The following RET variants were observed in gnomAD, a reference collection of about 807,000 sequenced individuals.
The protein encoded by RET is ret proto-oncogene, also known as proto-oncogene tyrosine-protein kinase receptor Ret.
In RET, 19 loss-of-function variants were observed where a neutral mutation model predicts 118.3. That is an observed-to-expected ratio of 0.16 (90% confidence interval 0.11 to 0.24). RET has a LOEUF of 0.24. RET is among the 10% of genes least tolerant of loss of function. The pLI is 1.00. For missense variants in RET, 1,219 were observed against 1,502.1 expected (o/e 0.81, Z 3.12); for synonymous variants, 597 against 644.1 (o/e 0.93, Z 1.11).
chr10:43,129,860 G>A lies in RET; in HGVS notation c.*1591G>A, dbSNP rs76759170. The A allele has an allele frequency of 0.042, 16,798 of 396,966 alleles. 459 individuals are homozygous for A. The highest frequency in any genetic ancestry group is 0.088 in the South Asian group (666 of 7,548). 24.6% of individuals were successfully genotyped at this position (396,966 alleles called of 1,614,324 possible). On this transcript the variant is annotated 3_prime_UTR_variant, in exon 20 of 20. Transcript: ENST00000355710. ...TGGCTCTAATTTGGGCTGTTTTTCA[G>A]ATACACTGTGATAAGTTCTTTTACA...
At position 43,129,592 on chromosome 10, in the gene RET, C is replaced by G. The variant is rs1838405022; in HGVS notation, c.*1323C>G. ...GCAGCTCTTCTGGCTGTGTTGTCAGCACTGTAACTTCGCAGAAAAGAGTCG... is the reference window on the plus strand; with the variant it reads ...GCAGCTCTTCTGGCTGTGTTGTCAGGACTGTAACTTCGCAGAAAAGAGTCG... On this transcript the variant is annotated 3_prime_UTR_variant, in exon 20 of 20. Transcript: ENST00000355710. 1 of 244,054 alleles carries G rather than the reference C, an allele frequency of 4.1e-6. No individual in the cohort carries two copies. Among genetic ancestry groups the G allele is most frequent in the East Asian group, 5.9e-5 (1 of 16,912 alleles). The allele number at this position is 244,054 out of a possible 1,614,324, so 15.1% of individuals were successfully genotyped here.
Position 43,109,105 on chromosome 10 carries a change from G to C in RET, c.1138G>C (p.Asp380His). ...MQLAVLVNDS[D>H]FQGPGAGVLL... ...GCTGGCGGTGCTGGTCAATGACTCAGACTTCCAGGGCCCAGGAGCGGGCGT... is the reference window on the plus strand; with the variant it reads ...GCTGGCGGTGCTGGTCAATGACTCACACTTCCAGGGCCCAGGAGCGGGCGT... The change falls in exon 6 of 20, where the codon GAC becomes CAC. Residue 380 changes from aspartate to histidine, a missense_variant. Physicochemically the swap from Asp to His is moderately conservative, Grantham distance 81. This residue lies in a region of RET where 850 missense variants were observed against 969.6 expected (regional missense o/e 0.88). Coordinates refer to ENST00000355710, the MANE Select transcript of RET (RefSeq NM_020975.6). The C allele has an allele frequency of 6.2e-7, 1 of 1,613,904 alleles. No homozygotes were observed. Among genetic ancestry groups the C allele is most frequent in the East Asian group, 2.2e-5 (1 of 44,874 alleles).
Position 43,114,894 on chromosome 10 carries a change from G to A in RET, c.2136+158G>A, listed in dbSNP as rs1006791361. Among the ~76,000 whole-genome samples, 2 of 152,174 alleles carry A rather than the reference G, an allele frequency of 1.3e-5. No individual in the cohort carries two copies. The highest frequency in any genetic ancestry group is 6.5e-5 in the Admixed American group (1 of 15,288). ...CCCCCATTTCCATAGGGCGCTGTGTGGGGACAGTCTGTGGGGTGGGACTGT... is the reference window on the plus strand; with the variant it reads ...CCCCCATTTCCATAGGGCGCTGTGTAGGGACAGTCTGTGGGGTGGGACTGT... On this transcript the variant is annotated intron_variant, in intron 11 of 19. Transcript: ENST00000355710. The surrounding 1 kb of genome is among the most constrained non-coding windows in gnomAD (Gnocchi z 4.6).
rs112418547 is a variant in RET, at chr10:43,091,662, A to C, written c.74-8797A>C. ...AAAAAAAACCCAACAACAACAACAAAAAAAATGAGCACAGGGCCTGGATGG... is the reference window on the plus strand; with the variant it reads ...AAAAAAAACCCAACAACAACAACAACAAAAATGAGCACAGGGCCTGGATGG... On this transcript the variant is annotated intron_variant, in intron 1 of 19. Coordinates refer to ENST00000355710, the MANE Select transcript of RET (RefSeq NM_020975.6). Among the ~76,000 whole-genome samples the C allele has an allele frequency of 9.7e-4, 147 of 151,452 alleles. 1 individual carries two copies. The highest frequency in any genetic ancestry group is 3.4e-3 in the Middle Eastern group (1 of 290).
intron 8 of RET, 124 bp downstream of exon 8, chr10:43,112,348 C>G: frequency 2.9e-6 from 4 of 1,402,872 alleles, no homozygotes; most frequent in Non-Finnish European, 3.9e-6. Flanking sequence ...GCACCTCATC[C>G]CCCATGTGGC....
rs886047012 is a variant in RET at position 43,129,928 on chromosome 10, T to C, written c.*1659T>C. 1.5e-5 allele frequency: 6 copies of C among 398,928 alleles called. No individual in the cohort carries two copies. The highest frequency in any genetic ancestry group is 1.0e-4 in the African/African-American group (5 of 48,630). 24.7% of individuals were successfully genotyped at this position (398,928 alleles called of 1,614,324 possible). ...TAAACTTTTGGTTTTCAGATATGCT[T>C]AATGATAGTCTTACTAAATGCAGAA... On this transcript the variant is annotated 3_prime_UTR_variant, in exon 20 of 20. Coordinates refer to ENST00000355710, the MANE Select transcript of RET (RefSeq NM_020975.6).
intron 8 of RET, among the ~76,000 whole-genome samples, chr10:43,112,610 C>T (rs2132809241): frequency 6.6e-6 from 1 of 152,358 alleles, no homozygotes; most frequent in South Asian, 2.1e-4. Flanking sequence ...CCTCACCATG[C>T]AGCCCTGAGA....
chr10:43,109,287 G>A, intron 6 of RET, 57 bp downstream of exon 6: 2 of 1,546,738 alleles, frequency 1.3e-6, no homozygotes. Context: ...GGACATGGGG[G>A]CACAGGGAGG....
rs1297543184 is a variant in RET at position 43,091,139 on chromosome 10, C to G, written c.74-9320C>G. ...CTATAAAAACCAGATGCACAGGCAG[C>G]CGAAGAAAGAATGGATGAATTGGGC... On this transcript the variant is annotated intron_variant, in intron 1 of 19. Transcript: ENST00000355710. 2.0e-5 allele frequency among the ~76,000 whole-genome samples: 3 copies of G among 151,940 alleles called. No individual in the cohort carries two copies. The East Asian group carries it at 5.8e-4, about 29-fold the overall frequency.
rs1837067697 is a variant in RET, at chr10:43,077,317, C to G, written c.59C>G (p.Pro20Arg). The change falls in exon 1 of 20, where the codon CCG becomes CGG. Residue 20 changes from proline to arginine, a missense_variant. Transcript: ENST00000355710. Reference protein sequence around the residue: ...GLRLLLLLLLPLLGKVALGLY... With the variant: ...GLRLLLLLLLRLLGKVALGLY... The stretch of plus-strand genomic sequence containing the variant: ...CGTCTGCTGTTGCTGCTGCTGCTGC[C>G]GCTGCTAGGCAAAGGTGAGTTCTGC... 6.6e-7 allele frequency: 1 copy of G among 1,511,100 alleles called. No homozygotes were observed. Among genetic ancestry groups the G allele is most frequent in the Non-Finnish European group, 8.8e-7 (1 of 1,135,204 alleles). 93.6% of individuals were successfully genotyped at this position (1,511,100 alleles called of 1,614,324 possible).
intron 1 of RET, among the ~76,000 whole-genome samples, chr10:43,087,980 G>A (rs943857955): frequency 5.3e-5 from 8 of 152,336 alleles, no homozygotes; most frequent in Non-Finnish European, 7.4e-5. Flanking sequence ...AGGTCGTGAT[G>A]ATGGTTGTGG....
intron 1 of RET, 109 bp from the exon 2 acceptor site, chr10:43,100,350 T>C (rs1837609196): frequency 7.6e-7 from 1 of 1,320,474 alleles, no homozygotes; most frequent in Non-Finnish European, 1.1e-6. Context: ...GGAACAGAGA[T>C]GAAAAACTCC....
chr10:43,091,822 CAAAAAAAAAAAAAA>C, intron 1 of RET, among the ~76,000 whole-genome samples: 1 of 114,594 alleles, frequency 8.7e-6, no homozygotes, highest in African/African-American at 3.4e-5. Flanking sequence ...TGTCTACTAT[CAAAAAAAAAAAAAA>C]AAAAAAAGAA....
At chr10:43,083,027 C>T (rs763459888) in intron 1 of RET, among the ~76,000 whole-genome samples, 7 of 152,218 alleles carry the variant, frequency 4.6e-5, no homozygotes, top group South Asian at 2.1e-4. Flanking sequence ...CCACCATTGC[C>T]TGTAGGGCGT....
chr10:43,119,691 C>T lies in RET; in HGVS notation c.2553C>T (p.Leu851=), dbSNP rs2132949279. 1 of 1,613,568 alleles carries T rather than the reference C, an allele frequency of 6.2e-7. No individual in the cohort carries two copies. ...PDERALTMGD[L]ISFAWQISQG... ...AGCGGGCCCTCACCATGGGCGACCT[C>T]ATCTCATTTGCCTGGCAGATCTCAC... The change falls in exon 14 of 20, where the codon CTC becomes CTT. Residue 851 remains leucine (L), a synonymous_variant. Transcript: ENST00000355710.
rs1314127008 is a variant in RET, at chr10:43,116,690, G to A, written c.2243G>A (p.Gly748Asp). 17 of 1,613,294 alleles carry A rather than the reference G, an allele frequency of 1.1e-5. No individual in the cohort carries two copies. Among genetic ancestry groups the A allele is most frequent in the Non-Finnish European group, 1.4e-5 (17 of 1,179,556 alleles). Residue 748 changes from glycine to aspartate, a missense_variant, in exon 12 of 20, where the codon GGC (glycine) becomes GAC (aspartate). Gly to Asp is a moderately conservative substitution (Grantham distance 94). This residue lies in a region of RET where 850 missense variants were observed against 969.6 expected (regional missense o/e 0.88). Transcript: ENST00000355710. Reference sequence around the variant, plus strand: ...AAGGCAACGGCCTTCCATCTGAAAGGCAGAGCAGGGTACACCACGGTGGCC... The same window carrying A: ...AAGGCAACGGCCTTCCATCTGAAAGACAGAGCAGGGTACACCACGGTGGCC... The part of the protein sequence containing the change: ...VVKATAFHLK[G>D]RAGYTTVAVK...
intron 1 of RET, among the ~76,000 whole-genome samples, chr10:43,085,522 C>T (rs1002979545): frequency 2.6e-5 from 4 of 152,210 alleles, no homozygotes; most frequent in African/African-American, 7.2e-5. Flanking sequence ...TCTCGGCCAC[C>T]GTCTGCCCCT....
At chr10:43,081,247 G>T (rs986003656) in intron 1 of RET, among the ~76,000 whole-genome samples, 3 of 148,768 alleles carry the variant, frequency 2.0e-5, no homozygotes, top group African/African-American at 7.5e-5. Flanking sequence ...CTCCCTCCCC[G>T]TTCTCTGCTG....
intron 1 of RET, among the ~76,000 whole-genome samples, chr10:43,083,018 C>A (rs1369001047): frequency 6.6e-6 from 1 of 152,212 alleles, no homozygotes. Context: ...CCTGCTCCAC[C>A]ACCATTGCCT....
Sources: gnomAD v4.1 joint callset for allele counts (sites outside exome capture counted in the v4.1 genomes callset) on GRCh38, gnomAD v4.1.1 for gene constraint, gnomAD v4.1.1 regional missense constraint, Gnocchi (gnomAD v3.1) non-coding constraint, MANE v1.5 for transcripts, NCBI Gene and HGNC (gene_info 2026-07-23, HGNC 2026-07-21) for gene names.